The following DNAAF9 variants were observed in gnomAD, a reference collection of about 807,000 sequenced individuals.
DNAAF9 encodes the protein shulin.
DNAAF9 carries 90 observed loss-of-function variants against 167.0 expected under a neutral mutation model. The observed-to-expected ratio is 0.54, with a 90% CI of 0.45 to 0.64. The LOEUF is 0.64. Ranked by LOEUF, DNAAF9 falls within the 30% of genes least tolerant of loss-of-function variation. The pLI, the probability that DNAAF9 is intolerant of heterozygous loss-of-function variation, is 0.00. For missense variants in DNAAF9, 1,315 were observed against 1,442.2 expected (o/e 0.91, Z 1.43); for synonymous variants, 491 against 508.8 (o/e 0.96, Z 0.47).
At chr20:3,305,328 G>A (rs977584026) in intron 20 of DNAAF9, among the ~76,000 whole-genome samples, 3 of 152,246 alleles carry the variant, frequency 2.0e-5, no homozygotes, top group African/African-American at 4.8e-5. Flanking sequence ...ACTCCTAGGT[G>A]AAGCTGCTCT....
intron 28 of DNAAF9, among the ~76,000 whole-genome samples, chr20:3,279,842 T>A (rs2068736411): frequency 6.6e-6 from 1 of 152,150 alleles, no homozygotes. Flanking sequence ...AGGTCCTGTG[T>A]TTTCTTCCCT....
intron 7 of DNAAF9, among the ~76,000 whole-genome samples, chr20:3,354,668 A>G (rs2123159107): frequency 6.6e-6 from 1 of 152,296 alleles, no homozygotes; most frequent in East Asian, 1.9e-4. Flanking sequence ...CTTTCTGGAA[A>G]ATCTCTGATT....
intron 6 of DNAAF9, among the ~76,000 whole-genome samples, chr20:3,360,597 A>G (rs1463635260): frequency 6.6e-6 from 1 of 152,170 alleles, no homozygotes; most frequent in Non-Finnish European, 1.5e-5. Context: ...CCAGGAGGTC[A>G]AGCCAACCAA....
Position 3,296,844 on chromosome 20 carries a change from C to T in DNAAF9, c.2018+17G>A, listed in dbSNP as rs778126777. 14 of 1,547,846 alleles carry T rather than the reference C, an allele frequency of 9.0e-6. No homozygotes were observed. Among genetic ancestry groups the T allele is most frequent in the Non-Finnish European group, 1.2e-5 (13 of 1,120,956 alleles). On this transcript the variant is annotated intron_variant, in intron 23 of 36. Transcript: ENST00000252032. Reference sequence around the variant, plus strand: ...AAGCCTAGGGAAGCAAGCACAAATACTGAAGCAGCCACTTACAATCTCTTT... The same window carrying T: ...AAGCCTAGGGAAGCAAGCACAAATATTGAAGCAGCCACTTACAATCTCTTT...
At chr20:3,343,562 C>A (rs2070128716) in intron 9 of DNAAF9, 114 bp downstream of exon 9, 6 of 711,884 alleles carry the variant, frequency 8.4e-6, no homozygotes, top group Admixed American at 4.6e-5. Context: ...TAAAGTCAAC[C>A]CATATTTTCC....
At chr20:3,322,773 G>A (rs2069639827) in intron 14 of DNAAF9, 77 bp from the exon 15 acceptor site, 1 of 995,818 alleles carries the variant, frequency 1.0e-6, no homozygotes, top group South Asian at 1.3e-5. Context: ...TACCTGCTTG[G>A]GATTCTCAAG....
At chr20:3,285,825 C>T (rs1014722636) in intron 27 of DNAAF9, among the ~76,000 whole-genome samples, 2 of 151,020 alleles carry the variant, frequency 1.3e-5, no homozygotes. Context: ...CTAAAAAATA[C>T]AAAAATTACT....
intron 21 of DNAAF9, 150 bp downstream of exon 21, chr20:3,304,290 G>A (rs1356662427): frequency 1.7e-5 from 11 of 659,416 alleles, no homozygotes; most frequent in Admixed American, 1.1e-4. Context: ...GCCTCTCCAC[G>A]ACCTCCCTCC....
At chr20:3,261,830 C>G (rs1236518779) in intron 31 of DNAAF9, among the ~76,000 whole-genome samples, 1 of 147,682 alleles carries the variant, frequency 6.8e-6, no homozygotes, top group Admixed American at 6.8e-5. Context: ...GGGGGTTTCT[C>G]TGGCCTCTGG....
At position 3,390,656 on chromosome 20, in the gene DNAAF9, C is replaced by T. The variant is rs373063281; in HGVS notation, c.84-8150G>A. ...CTGGGATTACAAGTGTGAGGTGCCA[C>T]GCCTGGCCTCTCACATTTTATGTAT... On this transcript the variant is annotated intron_variant, in intron 1 of 36. Transcript: ENST00000252032. Among the ~76,000 whole-genome samples the T allele has an allele frequency of 3.2e-4, 48 of 152,212 alleles. 1 individual carries two copies. In the South Asian group the frequency reaches 6.8e-3, roughly 22 times the overall value.
intron 1 of DNAAF9, among the ~76,000 whole-genome samples, chr20:3,404,891 G>A (rs112555218): frequency 3.9e-5 from 6 of 152,266 alleles, no homozygotes; most frequent in African/African-American, 1.4e-4. Context: ...CCAAAATCCC[G>A]GTGGTGTTTC....
In DNAAF9 at chr20:3,407,510, G is replaced by C. The variant is rs1465205290; in HGVS notation, c.48C>G (p.Ser16=). The change falls in exon 1 of 37, where the codon TCC becomes TCG. Residue 16 remains serine, a synonymous_variant. Coordinates refer to ENST00000252032, the MANE Select transcript of DNAAF9 (RefSeq NM_001009984.3). ...GTGACCCGCGGCTGGAGCCGCCAGG[G>C]GACCGAGCGCGGGGCAGCCCCTGCC... ...PRRQGLPRAR[S]PGGSSRGSPS... The C allele has an allele frequency of 7.8e-7, 1 of 1,278,036 alleles. No homozygotes were observed. Among genetic ancestry groups the C allele is most frequent in the East Asian group, 3.1e-5 (1 of 31,940 alleles). The allele number at this position is 1,278,036 out of a possible 1,614,324, so 79.2% of individuals were successfully genotyped here. A position where few individuals can be genotyped will look rare whatever the true frequency, so the allele number is the denominator to read the frequency against.
chr20:3,361,477 C>T (rs1185289782), intron 6 of DNAAF9, among the ~76,000 whole-genome samples: 1 of 152,076 alleles, frequency 6.6e-6, no homozygotes, highest in Non-Finnish European at 1.5e-5. Context: ...GCTGTTGTTG[C>T]AGGGAAAGTG....
chr20:3,257,309 G>A (rs13039499), intron 33 of DNAAF9, among the ~76,000 whole-genome samples: 11,930 of 151,090 alleles, frequency 0.079, 689 homozygotes, highest in Non-Finnish European at 0.12. Context: ...CCGGGAATTC[G>A]AGACCAGCCT....
chr20:3,327,667 A>G (rs2069736551), intron 12 of DNAAF9, among the ~76,000 whole-genome samples: 1 of 152,226 alleles, frequency 6.6e-6, no homozygotes, highest in African/African-American at 2.4e-5. Context: ...TTATAGAAGA[A>G]GCAATAAGGG....
rs78440403 is a variant in DNAAF9 at position 3,378,821 on chromosome 20, C to T, written c.284-2519G>A. Reference sequence around the variant, plus strand: ...ATCTGACCACACAGCTGAGTGGCCTCCTGAAATAAAACTCCATGGGTCTGA... The same window carrying T: ...ATCTGACCACACAGCTGAGTGGCCTTCTGAAATAAAACTCCATGGGTCTGA... On this transcript the variant is annotated intron_variant, in intron 3 of 36. Transcript: ENST00000252032. 9.0e-3 allele frequency among the ~76,000 whole-genome samples: 1,372 copies of T among 152,128 alleles called. 20 individuals carry two copies. Among genetic ancestry groups the T allele is most frequent in the African/African-American group, 0.032 (1,318 of 41,524 alleles).
At chr20:3,301,391 C>T (rs1179874466) in intron 21 of DNAAF9, among the ~76,000 whole-genome samples, 2 of 151,978 alleles carry the variant, frequency 1.3e-5, no homozygotes, top group Non-Finnish European at 2.9e-5. Flanking sequence ...TTTCACCATG[C>T]TGGCCAGGCT....
intron 10 of DNAAF9, 50 bp downstream of exon 10, chr20:3,340,454 C>CCCCCCCCCCAA: frequency 9.5e-7 from 1 of 1,053,078 alleles, no homozygotes; most frequent in Non-Finnish European, 1.3e-6. Flanking sequence ...ACCCCACCCC[C>CCCCCCCCCCAA]ACAACTTGAT....
At chr20:3,326,901 C>T (rs1010885461) in intron 12 of DNAAF9, among the ~76,000 whole-genome samples, 1 of 152,038 alleles carries the variant, frequency 6.6e-6, no homozygotes. Context: ...GACTCCTTGA[C>T]TCCTCTATGT....
Sources: gnomAD v4.1 joint callset for allele counts (sites outside exome capture counted in the v4.1 genomes callset) on GRCh38, gnomAD v4.1.1 for gene constraint, MANE v1.5 for transcripts, NCBI Gene and HGNC (gene_info 2026-07-23, HGNC 2026-07-21) for gene names.